Variants in ADHFE1 observed in about 807,000 individuals in gnomAD.
ADHFE1 encodes the protein hydroxyacid-oxoacid transhydrogenase, mitochondrial.
ADHFE1 carries 37 observed loss-of-function variants against 54.8 expected under a neutral mutation model. That is an observed-to-expected ratio of 0.68 (90% CI 0.52 to 0.89). The LOEUF is 0.89. Ranked by LOEUF, ADHFE1 falls within the 40% of genes least tolerant of loss-of-function variation. The pLI is 0.00. For synonymous variants in ADHFE1, 203 were observed against 229.3 expected, an observed-to-expected ratio of 0.89 and a Z score of 1.04; for missense variants, 601 against 591.2, an observed-to-expected ratio of 1.02 and a Z score of -0.17.
chr8:66,449,811 G>A (rs953808218), intron 8 of ADHFE1, among the ~76,000 whole-genome samples: 9 of 152,094 alleles, frequency 5.9e-5, no homozygotes, highest in South Asian at 4.1e-4. Context: ...TTCATCCTCC[G>A]TGGTACCTAT....
intron 6 of ADHFE1, among the ~76,000 whole-genome samples, chr8:66,446,606 C>A (rs1187734516): frequency 1.3e-5 from 2 of 152,166 alleles, no homozygotes; most frequent in Admixed American, 6.5e-5. Flanking sequence ...ACATTAAACA[C>A]ACATGTATGT....
intron 1 of ADHFE1, among the ~76,000 whole-genome samples, chr8:66,437,171 T>C (rs1805506422): frequency 1.3e-5 from 2 of 151,920 alleles, no homozygotes; most frequent in Non-Finnish European, 2.9e-5. Flanking sequence ...GGTTTCTGGT[T>C]TTGTTATGTA....
At chr8:66,444,252 T>G (rs1333929473) in intron 3 of ADHFE1, 115 bp from the exon 4 acceptor site, 6 of 910,442 alleles carry the variant, frequency 6.6e-6, no homozygotes, top group Non-Finnish European at 1.0e-5. Context: ...TGGAAGACCA[T>G]GCTAAGGAGT....
intron 10 of ADHFE1, among the ~76,000 whole-genome samples, chr8:66,455,957 A>G (rs1352548318): frequency 6.6e-6 from 1 of 152,000 alleles, no homozygotes; most frequent in Non-Finnish European, 1.5e-5. Context: ...ATAAACAACA[A>G]CAACAAAAAA....
At chr8:66,438,683 AG>A (rs1361598442) in intron 1 of ADHFE1, among the ~76,000 whole-genome samples, 2 of 152,166 alleles carry the variant, frequency 1.3e-5, no homozygotes, top group African/African-American at 2.4e-5. Flanking sequence ...AGCCCGCCAG[AG>A]GGGGTAGGAG....
chr8:66,457,125 A>G lies in ADHFE1; in HGVS notation c.1121A>G (p.Gln374Arg). ...CCAGCGGTGTTCACTTTCACGGCCCAGATGTTTCCAGAGCGACACCTGGAG... is the reference window on the plus strand; with the variant it reads ...CCAGCGGTGTTCACTTTCACGGCCCGGATGTTTCCAGAGCGACACCTGGAG... ...TSPAVFTFTA[Q>R]MFPERHLEMA... Residue 374 changes from glutamine (Q) to arginine (R), a missense_variant, in exon 12 of 14, where the codon CAG (glutamine) becomes CGG (arginine). Gln to Arg is a conservative substitution (Grantham distance 43). Transcript: ENST00000396623. The G allele has an allele frequency of 6.2e-7, 1 of 1,613,750 alleles. No homozygotes were observed. Among genetic ancestry groups the G allele is most frequent in the Non-Finnish European group, 8.5e-7 (1 of 1,179,802 alleles).
chr8:66,460,150 C>A, intron 12 of ADHFE1, 158 bp from the exon 13 acceptor site: 1 of 872,284 alleles, frequency 1.1e-6, no homozygotes, highest in Non-Finnish European at 1.8e-6. Flanking sequence ...GCTCCCCCAG[C>A]CAACTTGGGC....
intron 1 of ADHFE1, among the ~76,000 whole-genome samples, chr8:66,437,238 A>G (rs546516134): frequency 6.6e-6 from 1 of 152,230 alleles, no homozygotes; most frequent in South Asian, 2.1e-4. Flanking sequence ...CTGATGGATA[A>G]TGTCTAATAG....
At chr8:66,436,024 T>A (rs2555579) in intron 1 of ADHFE1, among the ~76,000 whole-genome samples, 1 of 151,540 alleles carries the variant, frequency 6.6e-6, no homozygotes, top group Non-Finnish European at 1.5e-5. Flanking sequence ...CGAGCGATTC[T>A]TCTGCCTCAG....
At position 66,460,478 on chromosome 8, in the gene ADHFE1, C is replaced by T. The variant is rs763442746; in HGVS notation, c.1320+13C>T. 44 of 1,563,268 alleles carry T rather than the reference C, an allele frequency of 2.8e-5. No individual in the cohort carries two copies. The highest frequency in any genetic ancestry group is 3.5e-5 in the Non-Finnish European group (40 of 1,148,722). ...AACGCTGCCCCAGGTAAGAGACCGGCAGGCTCCTCACTCCCTGCGAAGGAG... is the reference window on the plus strand; with the variant it reads ...AACGCTGCCCCAGGTAAGAGACCGGTAGGCTCCTCACTCCCTGCGAAGGAG... On this transcript the variant is annotated intron_variant, in intron 13 of 13. Coordinates refer to ENST00000396623, the MANE Select transcript of ADHFE1 (RefSeq NM_144650.3).
Position 66,445,229 on chromosome 8 carries a change from C to G in ADHFE1, c.365C>G (p.Ala122Gly). The change falls in exon 6 of 14, where the codon GCT (alanine) becomes GGT (glycine). Residue 122 changes from alanine (A) to glycine (G), a missense_variant. Transcript: ENST00000396623. ...VEPTDSSFME[A>G]IEFAQKGAFD... ...TTCTCTTCTCCAAGCTTCATGGAAG[C>G]TATTGAGTTTGCCCAAAAGGGAGCT... 6.2e-7 allele frequency: 1 copy of G among 1,605,548 alleles called. No individual in the cohort carries two copies. The highest frequency in any genetic ancestry group is 1.7e-4 in the Middle Eastern group (1 of 6,002).
chr8:66,466,149 A>G (rs1284135380), intron 13 of ADHFE1, among the ~76,000 whole-genome samples: 1 of 149,076 alleles, frequency 6.7e-6, no homozygotes, highest in Non-Finnish European at 1.5e-5. Context: ...GCTCACTGCA[A>G]TCTCCACCTC....
intron 1 of ADHFE1, among the ~76,000 whole-genome samples, chr8:66,436,517 A>G (rs566029475): frequency 2.0e-3 from 309 of 152,212 alleles, no homozygotes; most frequent in Non-Finnish European, 2.3e-3. Context: ...TGAAATTGCC[A>G]TTAGATGGGG....
intron 1 of ADHFE1, among the ~76,000 whole-genome samples, chr8:66,436,224 T>C (rs187909168): frequency 6.6e-6 from 1 of 152,262 alleles, no homozygotes; most frequent in Non-Finnish European, 1.5e-5. Flanking sequence ...GCCAGGATTC[T>C]TAATCATATC....
intron 9 of ADHFE1, among the ~76,000 whole-genome samples, chr8:66,453,316 A>C (rs954794633): frequency 2.0e-5 from 3 of 152,224 alleles, no homozygotes; most frequent in African/African-American, 7.2e-5. Flanking sequence ...TTCAAATGAA[A>C]GGGGAAAAAA....
At position 66,439,122 on chromosome 8, in the gene ADHFE1, T is replaced by C. The variant is rs933198268; in HGVS notation, c.60-1040T>C. On this transcript the variant is annotated intron_variant, in intron 1 of 13. Coordinates refer to ENST00000396623, the MANE Select transcript of ADHFE1 (RefSeq NM_144650.3). This position sits in a 1 kb window ranked among gnomAD's most constrained non-coding sequence, Gnocchi z 4.4. ...AGCCGCGACTCGCGCCAGCTCTCAC[T>C]CGCCCCCGCGTCTGCTTTGACTTCG... 2.2e-5 allele frequency: 20 copies of C among 929,980 alleles called. No homozygotes were observed. The highest frequency in any genetic ancestry group is 2.4e-5 in the Non-Finnish European group (19 of 779,594). The allele number at this position is 929,980 out of a possible 1,614,324, so 57.6% of individuals were successfully genotyped here. A position where few individuals can be genotyped will look rare whatever the true frequency, so the allele number is the denominator to read the frequency against.
In ADHFE1 at chr8:66,465,867, G is replaced by A. The variant is rs142519244; in HGVS notation, c.1321-2402G>A. Among the ~76,000 whole-genome samples, 702 of 151,970 alleles carry A rather than the reference G, an allele frequency of 4.6e-3. 7 individuals are homozygous for A. Among genetic ancestry groups the A allele is most frequent in the South Asian group, 0.02 (95 of 4,810 alleles). ...CCCGCCTCGGCCTCCCAAAGTGCTGGGATTACAGGTGTGAGCCACTGTGCT... is the reference window on the plus strand; with the variant it reads ...CCCGCCTCGGCCTCCCAAAGTGCTGAGATTACAGGTGTGAGCCACTGTGCT... On this transcript the variant is annotated intron_variant, in intron 13 of 13. Coordinates refer to ENST00000396623, the MANE Select transcript of ADHFE1 (RefSeq NM_144650.3).
chr8:66,437,087 G>A (rs1187819054), intron 1 of ADHFE1, among the ~76,000 whole-genome samples: 5 of 152,160 alleles, frequency 3.3e-5, no homozygotes, highest in South Asian at 2.1e-4. Context: ...AAGATAAATC[G>A]GAAGAATGGC....
intron 1 of ADHFE1, among the ~76,000 whole-genome samples, chr8:66,437,742 G>A (rs116938801): frequency 1.3e-5 from 2 of 152,256 alleles, no homozygotes; most frequent in East Asian, 3.9e-4. Flanking sequence ...ATCCTGCCTG[G>A]GCATCACTAA....
Sources: gnomAD v4.1 joint callset for allele counts (sites outside exome capture counted in the v4.1 genomes callset) on GRCh38, gnomAD v4.1.1 for gene constraint, Gnocchi (gnomAD v3.1) non-coding constraint, MANE v1.5 for transcripts, NCBI Gene and HGNC (gene_info 2026-07-23, HGNC 2026-07-21) for gene names.